Variants in DGKG observed in about 807,000 individuals in gnomAD.
DGKG encodes the protein DAG kinase gamma.
DGKG carries 78 observed loss-of-function variants against 105.3 expected under a neutral mutation model. That is an observed-to-expected ratio of 0.74 (90% confidence interval 0.62 to 0.89). The LOEUF (loss-of-function observed/expected upper bound fraction) is 0.89. DGKG is among the 40% of genes least tolerant of loss of function. The pLI is 0.00. For synonymous variants in DGKG, 346 were observed against 367.1 expected, an observed-to-expected ratio of 0.94 and a Z score of 0.66; for missense variants, 958 against 1,020.1, an observed-to-expected ratio of 0.94 and a Z score of 0.83.
chr3:186,173,136 C>A (rs529140020), intron 22 of DGKG, among the ~76,000 whole-genome samples: 1 of 152,174 alleles, frequency 6.6e-6, no homozygotes, highest in Non-Finnish European at 1.5e-5. Flanking sequence ...TTAGGGCCCA[C>A]CCAAATAACC....
intron 20 of DGKG, among the ~76,000 whole-genome samples, chr3:186,216,000 C>T (rs928463476): frequency 4.0e-5 from 6 of 151,240 alleles, no homozygotes; most frequent in Non-Finnish European, 7.4e-5. Context: ...CCCCCAAACC[C>T]CCATTATTTG....
At chr3:186,302,513 TG>T (rs1724006775) in intron 3 of DGKG, among the ~76,000 whole-genome samples, 1 of 7,842 alleles carries the variant, frequency 1.3e-4, no homozygotes, top group Non-Finnish European at 3.1e-4. Context: ...TATACATATG[TG>T]TATATATATA....
intron 24 of DGKG, among the ~76,000 whole-genome samples, chr3:186,154,489 A>G (rs1017944468): frequency 2.6e-5 from 4 of 151,984 alleles, no homozygotes; most frequent in Non-Finnish European, 4.4e-5. Flanking sequence ...ACTAAAAAAT[A>G]CAAAAATTAG....
intron 1 of DGKG, among the ~76,000 whole-genome samples, chr3:186,325,532 T>C (rs1404423520): frequency 6.6e-6 from 1 of 152,182 alleles, no homozygotes; most frequent in Admixed American, 6.5e-5. Context: ...TATCCACTAG[T>C]TTTAGCGTCC....
At chr3:186,232,150 T>G (rs142646296) in intron 20 of DGKG, among the ~76,000 whole-genome samples, 17 of 152,292 alleles carry the variant, frequency 1.1e-4, no homozygotes, top group African/African-American at 3.8e-4. Flanking sequence ...GGGACTTGGG[T>G]AATGGTATCT....
chr3:186,260,552 A>C (rs1721720218), intron 15 of DGKG, 39 bp from the exon 16 acceptor site: 11 of 1,465,144 alleles, frequency 7.5e-6, no homozygotes, highest in Non-Finnish European at 1.0e-5. Flanking sequence ...AGAGAGAGAC[A>C]GAGAAGGAAT....
chr3:186,350,512 T>C (rs2108672541), intron 1 of DGKG, among the ~76,000 whole-genome samples: 1 of 152,358 alleles, frequency 6.6e-6, no homozygotes, highest in Admixed American at 6.5e-5. Context: ...TGGGTTGCTT[T>C]TATCTCTTAG....
chr3:186,174,758 G>A (rs1490472843), intron 22 of DGKG, among the ~76,000 whole-genome samples: 2 of 151,748 alleles, frequency 1.3e-5, no homozygotes, highest in Non-Finnish European at 2.9e-5. Flanking sequence ...CAAGGTGGGA[G>A]CAGAGCAGGT....
chr3:186,357,412 C>A (rs1219060359), intron 1 of DGKG, among the ~76,000 whole-genome samples: 3 of 151,518 alleles, frequency 2.0e-5, no homozygotes, highest in East Asian at 3.9e-4. Flanking sequence ...GCAAAAGGTC[C>A]AAGAAAAAAA....
chr3:186,351,178 C>T (rs1726613025), intron 1 of DGKG, among the ~76,000 whole-genome samples: 1 of 152,156 alleles, frequency 6.6e-6, no homozygotes, highest in African/African-American at 2.4e-5. Context: ...CTGTTGTGAA[C>T]ACTCTTTATT....
At chr3:186,160,170 A>G in intron 24 of DGKG, 2 of 985,118 alleles carry the variant, frequency 2.0e-6, no homozygotes, top group Non-Finnish European at 2.4e-6. Flanking sequence ...AAATTTTTTC[A>G]TAGTGAGTTG....
At chr3:186,300,760 TTTAG>T (rs1233230580) in intron 3 of DGKG, among the ~76,000 whole-genome samples, 2 of 152,172 alleles carry the variant, frequency 1.3e-5, no homozygotes, top group Non-Finnish European at 2.9e-5. Flanking sequence ...AAAAAGAAAG[TTTAG>T]TTAAACAGTC....
intron 1 of DGKG, among the ~76,000 whole-genome samples, chr3:186,359,767 C>T (rs1727141001): frequency 6.6e-6 from 1 of 152,000 alleles, no homozygotes; most frequent in African/African-American, 2.4e-5. Context: ...AGGAAATATG[C>T]CAGTATATTA....
intron 21 of DGKG, chr3:186,207,643 AC>A (rs1718811306): frequency 4.4e-6 from 1 of 226,910 alleles, no homozygotes; most frequent in Non-Finnish European, 7.3e-6. Context: ...GCTCAGATAT[AC>A]AGTTCAATAA....
chr3:186,187,093 C>A (rs891611864), intron 22 of DGKG, among the ~76,000 whole-genome samples: 2 of 152,168 alleles, frequency 1.3e-5, no homozygotes, highest in Non-Finnish European at 2.9e-5. Flanking sequence ...ACATACGGGG[C>A]CCTCTAGGCC....
chr3:186,159,803 G>T (rs1716201549), intron 24 of DGKG: 1 of 152,208 alleles, frequency 6.6e-6, no homozygotes, highest in Non-Finnish European at 1.5e-5. Flanking sequence ...GACTATATTT[G>T]TAGGTAGGGC....
intron 19 of DGKG, among the ~76,000 whole-genome samples, chr3:186,245,906 A>T (rs1030406552): frequency 7.2e-6 from 1 of 138,526 alleles, no homozygotes; most frequent in Non-Finnish European, 1.6e-5. Context: ...AAAACAAAAA[A>T]CAAACAAACA....
intron 22 of DGKG, among the ~76,000 whole-genome samples, chr3:186,169,709 A>G (rs1049255474): frequency 2.0e-5 from 3 of 152,206 alleles, no homozygotes; most frequent in Admixed American, 2.0e-4. Flanking sequence ...AGTGTCATCA[A>G]CTTCCACAAG....
chr3:186,175,372 T>G (rs527991671), intron 22 of DGKG, among the ~76,000 whole-genome samples: 29 of 152,208 alleles, frequency 1.9e-4, no homozygotes, highest in African/African-American at 6.7e-4. Flanking sequence ...GCTCGTGTGG[T>G]GGGTGGGACG....
Sources: allele counts gnomAD v4.1 joint callset (sites outside exome capture counted in the v4.1 genomes callset), GRCh38; gene constraint gnomAD v4.1.1; transcripts MANE v1.5; gene names NCBI Gene and HGNC (gene_info 2026-07-23, HGNC 2026-07-21).